Variants in PTPRD observed in about 807,000 individuals in gnomAD.
PTPRD encodes the protein receptor-type tyrosine-protein phosphatase delta.
A neutral mutation model predicts 214.5 loss-of-function variants in PTPRD; 34 were observed. The ratio of observed to expected loss-of-function variants is 0.16; its 90% CI spans 0.12 to 0.21. PTPRD has a LOEUF of 0.21. PTPRD is among the 10% of genes least tolerant of loss of function. The pLI is 1.00. For missense variants in PTPRD, 2,545 were observed against 2,398.7 expected (o/e 1.06, Z -1.27); for synonymous variants, 1,128 against 845.7 (o/e 1.33, Z -5.79).
chr9:9,405,397 T>C (rs886675848), intron 8 of PTPRD, among the ~76,000 whole-genome samples: 1 of 152,022 alleles, frequency 6.6e-6, no homozygotes, highest in African/African-American at 2.4e-5. Context: ...ACAATGTCCA[T>C]CTAACTCCGG....
chr9:8,895,646 G>C (rs1479941808), intron 11 of PTPRD, among the ~76,000 whole-genome samples: 1 of 152,126 alleles, frequency 6.6e-6, no homozygotes, highest in Non-Finnish European at 1.5e-5. Context: ...GCTTTTTAAT[G>C]CTCAGATAAT....
rs149127729 is a variant in PTPRD, at chr9:9,200,467, T to A, written c.-202-17104A>T. On this transcript the variant is annotated intron_variant, in intron 9 of 45. Coordinates refer to ENST00000381196, the MANE Select transcript of PTPRD (RefSeq NM_002839.4). ...ACAGTTTACACTTGTTGGCTTCACC[T>A]ATGAGCAATATATTTTGTTGATATT... is the stretch of plus-strand genomic sequence containing the variant. Among the ~76,000 whole-genome samples, 54 of 152,378 alleles carry A rather than the reference T, an allele frequency of 3.5e-4. No individual in the cohort carries two copies. The East Asian group carries it at 0.01, about 28-fold the overall frequency.
intron 4 of PTPRD, among the ~76,000 whole-genome samples, chr9:10,018,422 A>G (rs1294996230): frequency 6.6e-6 from 1 of 150,728 alleles, no homozygotes; most frequent in African/African-American, 2.4e-5. Context: ...TATAAATTTC[A>G]TGTTTATCGT....
chr9:8,940,458 T>C (rs1322334501), intron 11 of PTPRD, among the ~76,000 whole-genome samples: 1 of 136,350 alleles, frequency 7.3e-6, no homozygotes. Context: ...TTTTTTTTTT[T>C]TTTTTGGTAT....
intron 9 of PTPRD, among the ~76,000 whole-genome samples, chr9:9,209,488 T>A (rs2381971): frequency 0.13 from 19,486 of 152,118 alleles, 1,511 homozygotes; most frequent in Non-Finnish European, 0.17. Flanking sequence ...CATTAAAGAG[T>A]TATTGTTAAT....
intron 5 of PTPRD, among the ~76,000 whole-genome samples, chr9:9,915,642 A>G (rs1384572818): frequency 6.6e-6 from 1 of 151,918 alleles, no homozygotes; most frequent in Non-Finnish European, 1.5e-5. Flanking sequence ...AGCAGAAGAA[A>G]CAAATTTCTG....
At chr9:9,336,522 A>G (rs574876036) in intron 9 of PTPRD, among the ~76,000 whole-genome samples, 2 of 152,092 alleles carry the variant, frequency 1.3e-5, no homozygotes, top group Non-Finnish European at 2.9e-5. Flanking sequence ...TGCCCTTCCC[A>G]TATCCCTAAA....
intron 10 of PTPRD, among the ~76,000 whole-genome samples, chr9:9,025,455 C>T (rs2099583772): frequency 6.6e-6 from 1 of 152,024 alleles, no homozygotes; most frequent in Non-Finnish European, 1.5e-5. Context: ...CCTGTGTATA[C>T]TCCTCTAGAC....
At chr9:8,884,643 T>A (rs896389461) in intron 11 of PTPRD, among the ~76,000 whole-genome samples, 2 of 152,142 alleles carry the variant, frequency 1.3e-5, no homozygotes, top group Non-Finnish European at 2.9e-5. Context: ...ATATAGCTAG[T>A]TGACTTCTGA....
At chr9:9,318,570 C>T (rs1393635449) in intron 9 of PTPRD, among the ~76,000 whole-genome samples, 3 of 152,116 alleles carry the variant, frequency 2.0e-5, no homozygotes, top group Non-Finnish European at 4.4e-5. Flanking sequence ...CTAGAAAACA[C>T]TAGATTTTAA....
chr9:9,522,055 G>T (rs994531036), intron 8 of PTPRD, among the ~76,000 whole-genome samples: 2 of 151,558 alleles, frequency 1.3e-5, no homozygotes, highest in East Asian at 1.9e-4. Context: ...TACTCGGGAG[G>T]CTGAGGCAGG....
At position 10,480,204 on chromosome 9, in the gene PTPRD, A is replaced by T. The variant is rs541299488; in HGVS notation, c.-600+132194T>A. 5.4e-4 allele frequency among the ~76,000 whole-genome samples: 83 copies of T among 152,310 alleles called. 2 individuals are homozygous for T. Among genetic ancestry groups the T allele is most frequent in the African/African-American group, 2.0e-3 (82 of 41,582 alleles). On this transcript the variant is annotated intron_variant, in intron 2 of 45. Coordinates refer to ENST00000381196, the MANE Select transcript of PTPRD (RefSeq NM_002839.4). ...TCAGATGATGTCCTATTCTCGGCCC[A>T]ACTTGGTTTGTCCCCAATACAGAAT...
intron 8 of PTPRD, among the ~76,000 whole-genome samples, chr9:9,422,544 C>G (rs10816127): frequency 0.81 from 122,461 of 151,994 alleles, 49,464 homozygotes; most frequent in Non-Finnish European, 0.81. Context: ...ATTCATTGGA[C>G]GTAAGACATA....
chr9:8,854,041 A>G (rs139538712), intron 11 of PTPRD, among the ~76,000 whole-genome samples: 1,569 of 152,302 alleles, frequency 0.01, 26 homozygotes, highest in African/African-American at 0.036. Flanking sequence ...TTATATCTAT[A>G]TTTAGCACTT....
intron 14 of PTPRD, among the ~76,000 whole-genome samples, chr9:8,573,764 T>G (rs1440834096): frequency 6.6e-6 from 1 of 151,980 alleles, no homozygotes; most frequent in East Asian, 1.9e-4. Flanking sequence ...TATGGAACAT[T>G]ACTCTTAATT....
intron 37 of PTPRD, among the ~76,000 whole-genome samples, chr9:8,378,634 C>A (rs2083975973): frequency 6.6e-6 from 1 of 151,954 alleles, no homozygotes; most frequent in Non-Finnish European, 1.5e-5. Context: ...GCAACCCTTT[C>A]GGTTTAAAAT....
intron 11 of PTPRD, among the ~76,000 whole-genome samples, chr9:9,015,270 G>A (rs2154365273): frequency 6.6e-6 from 1 of 152,226 alleles, no homozygotes; most frequent in Admixed American, 6.5e-5. Flanking sequence ...GGATGAGATA[G>A]GAGGTCAACA....
chr9:8,966,619 A>G (rs766332061), intron 11 of PTPRD, among the ~76,000 whole-genome samples: 6 of 152,114 alleles, frequency 3.9e-5, no homozygotes, highest in Admixed American at 2.6e-4. Context: ...AGATGGATTA[A>G]AGATTTAAAT....
chr9:8,659,399 C>G (rs1464086194), intron 12 of PTPRD, among the ~76,000 whole-genome samples: 3 of 152,174 alleles, frequency 2.0e-5, no homozygotes, highest in African/African-American at 7.2e-5. Context: ...TACACTATCC[C>G]ATCAAGAGTC....
Sources: allele counts gnomAD v4.1 joint callset (sites outside exome capture counted in the v4.1 genomes callset), GRCh38; gene constraint gnomAD v4.1.1; transcripts MANE v1.5; gene names NCBI Gene and HGNC (gene_info 2026-07-23, HGNC 2026-07-21).